THOC1: variants seen among roughly 807,000 people sequenced by gnomAD.
The protein encoded by THOC1 is THO complex 1.
Under a neutral mutation model 97.3 loss-of-function variants are expected in THOC1, and 29 were observed. The observed-to-expected ratio is 0.30, with a 90% CI of 0.22 to 0.41. The LOEUF (loss-of-function observed/expected upper bound fraction) is 0.41. Ranked by LOEUF, THOC1 falls within the 10% of genes least tolerant of loss-of-function variation. The probability of loss-of-function intolerance (pLI) is 1.00; values close to 1 mark genes in which losing one functional copy is unlikely to be tolerated. For synonymous variants in THOC1, 255 were observed against 257.0 expected (o/e 0.99, Z 0.07); for missense variants, 529 against 761.9 (o/e 0.69, Z 3.60).
chr18:221,186 G>A (rs1340463677), intron 17 of THOC1, among the ~76,000 whole-genome samples: 1 of 152,096 alleles, frequency 6.6e-6, no homozygotes, highest in East Asian at 1.9e-4. Flanking sequence ...TGTGGTTTCT[G>A]TAAGACCAAG....
intron 8 of THOC1, among the ~76,000 whole-genome samples, chr18:253,924 T>A (rs111429266): frequency 3.6e-5 from 5 of 139,410 alleles, no homozygotes; most frequent in African/African-American, 1.1e-4. Context: ...TTTTTTTTTT[T>A]AAATGAGACA....
chr18:223,412 C>T, intron 17 of THOC1, 28 bp downstream of exon 17: 1 of 1,530,824 alleles, frequency 6.5e-7, no homozygotes, highest in Admixed American at 2.0e-5. Context: ...ACAAAAGCAA[C>T]ACTTCATTTG....
At chr18:224,831 C>T in intron 15 of THOC1, 93 bp downstream of exon 15, 1 of 988,550 alleles carries the variant, frequency 1.0e-6, no homozygotes. Context: ...TGTATTTTTA[C>T]ATGCTATAAT....
chr18:234,098 T>G (rs917951998), intron 11 of THOC1, among the ~76,000 whole-genome samples: 1 of 152,210 alleles, frequency 6.6e-6, no homozygotes, highest in African/African-American at 2.4e-5. Flanking sequence ...CATGTTGTAA[T>G]TGATTACTGG....
chr18:266,147 A>G (rs568599118), intron 1 of THOC1, among the ~76,000 whole-genome samples: 2 of 152,336 alleles, frequency 1.3e-5, no homozygotes, highest in Admixed American at 6.5e-5. Flanking sequence ...AGATTGTTTT[A>G]AAGTAATCAT....
chr18:239,098 G>A (rs1368566631), intron 11 of THOC1, among the ~76,000 whole-genome samples: 1 of 152,162 alleles, frequency 6.6e-6, no homozygotes, highest in African/African-American at 2.4e-5. Flanking sequence ...AAATCAAGCT[G>A]TGATTAAACA....
chr18:239,573 T>A (rs1224797683), intron 11 of THOC1, among the ~76,000 whole-genome samples: 1 of 152,232 alleles, frequency 6.6e-6, no homozygotes, highest in Admixed American at 6.5e-5. Flanking sequence ...CCCAGAGTGC[T>A]GGGACACAGG....
chr18:237,292 G>A (rs951277667), intron 11 of THOC1, among the ~76,000 whole-genome samples: 1 of 151,792 alleles, frequency 6.6e-6, no homozygotes, highest in Non-Finnish European at 1.5e-5. Flanking sequence ...GAGCAGCTGG[G>A]ACTACAGGTG....
At position 216,477 on chromosome 18, in the gene THOC1, G is replaced by C; in HGVS notation, c.1602+9C>G. 6.2e-7 allele frequency: 1 copy of C among 1,612,870 alleles called. No homozygotes were observed. The highest frequency in any genetic ancestry group is 2.2e-5 in the East Asian group (1 of 44,846). ...TAAAGGGTATGAAAAGTTGATCTAT[G>C]GTACTTACCGGTAATTCCTTGGCTA... is the stretch of plus-strand genomic sequence containing the variant. On this transcript the variant is annotated intron_variant, in intron 19 of 20. Coordinates refer to ENST00000261600, the MANE Select transcript of THOC1 (RefSeq NM_005131.3).
chr18:265,284 A>G lies in THOC1; in HGVS notation c.189+19T>C. 2 of 1,563,966 alleles carry G rather than the reference A, an allele frequency of 1.3e-6. No homozygotes were observed. The highest frequency in any genetic ancestry group is 2.8e-5 in the African/African-American group (2 of 72,662). On this transcript the variant is annotated intron_variant, in intron 3 of 20. Transcript: ENST00000261600. The stretch of plus-strand genomic sequence containing the variant: ...ATTAATTTGTCAGTAAAATTTTAAC[A>G]ATGGAAAAACATACTTACAATTTCT...
At position 254,817 on chromosome 18, in the gene THOC1, AT is replaced by A. The variant is rs778235053; in HGVS notation, c.521-463del. ...CATCTAAGATCTAAGACAGTAAACTATTTTTTTTTTTTTTTGAGACAGCGAC... is the reference window on the plus strand; with the variant it reads ...CATCTAAGATCTAAGACAGTAAACTATTTTTTTTTTTTTTGAGACAGCGAC... On this transcript the variant is annotated intron_variant, in intron 7 of 20. Coordinates refer to ENST00000261600, the MANE Select transcript of THOC1 (RefSeq NM_005131.3). This position sits in a 1 kb window ranked among gnomAD's most constrained non-coding sequence, Gnocchi z 4.1. Among the ~76,000 whole-genome samples the A allele has an allele frequency of 5.6e-3, 784 of 139,834 alleles. 1 individual carries two copies. Among genetic ancestry groups the A allele is most frequent in the African/African-American group, 8.1e-3 (309 of 38,160 alleles). The allele number at this position is 139,834 out of a possible 152,430, so 91.7% of individuals were successfully genotyped here. A position where few individuals can be genotyped will look rare whatever the true frequency, so the allele number is the denominator to read the frequency against.
Position 227,526 on chromosome 18 carries a change from T to G in THOC1, c.919-625A>C, listed in dbSNP as rs1911335334. Reference sequence around the variant, plus strand: ...TCTCTGATTAGATGGGCTTTTTTTTTTAGCTTTTAGTGAAAATTGCATCAT... The same window carrying G: ...TCTCTGATTAGATGGGCTTTTTTTTGTAGCTTTTAGTGAAAATTGCATCAT... On this transcript the variant is annotated intron_variant, in intron 11 of 20. Transcript: ENST00000261600. 2.0e-5 allele frequency among the ~76,000 whole-genome samples: 3 copies of G among 152,112 alleles called. No individual in the cohort carries two copies. The South Asian group carries it at 6.2e-4, about 32-fold the overall frequency.
chr18:225,474 A>T, intron 12 of THOC1, 71 bp from the exon 13 acceptor site: 1 of 1,280,482 alleles, frequency 7.8e-7, no homozygotes, highest in Non-Finnish European at 1.1e-6. Context: ...TTTAAAAAAC[A>T]CAAGGCATGT....
At chr18:248,997 A>G (rs981414808) in intron 9 of THOC1, among the ~76,000 whole-genome samples, 1 of 151,994 alleles carries the variant, frequency 6.6e-6, no homozygotes, top group African/African-American at 2.4e-5. Context: ...TGATCTGCCC[A>G]CCTCAGCCTC....
intron 7 of THOC1, among the ~76,000 whole-genome samples, chr18:258,208 G>A (rs1183752661): frequency 1.3e-5 from 2 of 151,976 alleles, no homozygotes; most frequent in Non-Finnish European, 2.9e-5. Context: ...ATTATTTCCC[G>A]TGAGATGAAA....
At chr18:249,097 T>C (rs1222105339) in intron 9 of THOC1, among the ~76,000 whole-genome samples, 2 of 152,298 alleles carry the variant, frequency 1.3e-5, no homozygotes, top group East Asian at 1.9e-4. Context: ...ACGGCTAGTA[T>C]CTGAAGCACG....
intron 7 of THOC1, among the ~76,000 whole-genome samples, chr18:255,943 T>C (rs557013631): frequency 2.6e-5 from 4 of 152,280 alleles, no homozygotes; most frequent in African/African-American, 9.6e-5. Context: ...AGCACATCTG[T>C]TTATAGCATG....
At chr18:240,033 C>T (rs1460560101) in intron 11 of THOC1, among the ~76,000 whole-genome samples, 1 of 152,122 alleles carries the variant, frequency 6.6e-6, no homozygotes, top group Admixed American at 6.5e-5. Context: ...TGACTATACA[C>T]TGTTGTAAAA....
chr18:230,540 T>G (rs1911449266), intron 11 of THOC1, among the ~76,000 whole-genome samples: 1 of 152,182 alleles, frequency 6.6e-6, no homozygotes, highest in Non-Finnish European at 1.5e-5. Flanking sequence ...CTGCTTCACA[T>G]TATACTTAAG....
Sources: gnomAD v4.1 joint callset for allele counts (sites outside exome capture counted in the v4.1 genomes callset) on GRCh38, gnomAD v4.1.1 for gene constraint, Gnocchi (gnomAD v3.1) non-coding constraint, MANE v1.5 for transcripts, NCBI Gene and HGNC (gene_info 2026-07-23, HGNC 2026-07-21) for gene names.